AP1G1: variants seen among roughly 807,000 people sequenced by gnomAD.
AP1G1 encodes the protein adaptor related protein complex 1 subunit gamma 1.
A neutral mutation model predicts 108.3 loss-of-function variants in AP1G1; 7 were observed. The observed-to-expected ratio is 0.06, with a 90% CI of 0.04 to 0.12. The LOEUF is 0.12. Ranked by LOEUF, AP1G1 falls within the 10% of genes least tolerant of loss-of-function variation. The pLI, the probability that AP1G1 is intolerant of heterozygous loss-of-function variation, is 1.00. For synonymous variants in AP1G1, 379 were observed against 353.5 expected (o/e 1.07, Z -0.81); for missense variants, 756 against 1,010.7 (o/e 0.75, Z 3.42).
intron 1 of AP1G1, among the ~76,000 whole-genome samples, chr16:71,798,330 C>A (rs955307673): frequency 3.3e-5 from 5 of 152,118 alleles, no homozygotes; most frequent in African/African-American, 9.7e-5. Context: ...TACCGAGTAG[C>A]CAGGACTATA....
chr16:71,798,605 G>T (rs564100172), intron 1 of AP1G1, among the ~76,000 whole-genome samples: 1 of 151,182 alleles, frequency 6.6e-6, no homozygotes, highest in Non-Finnish European at 1.5e-5. Flanking sequence ...AAATGAGGCC[G>T]GGCGTGGTGC....
At chr16:71,808,728 AG>A in intron 1 of AP1G1, 34 bp downstream of exon 1, 1 of 1,287,038 alleles carries the variant, frequency 7.8e-7, no homozygotes, top group Non-Finnish European at 1.0e-6. Context: ...GGGCAAAAGC[AG>A]CAATATGCTC....
chr16:71,781,235 A>G (rs1024222650), intron 2 of AP1G1, among the ~76,000 whole-genome samples: 17 of 152,244 alleles, frequency 1.1e-4, no homozygotes, highest in African/African-American at 3.1e-4. Flanking sequence ...GCCTGACAAC[A>G]TAAAATCTAT....
chr16:71,794,864 T>TTTTTTTTTTTTTTTA (rs71153663), intron 1 of AP1G1, among the ~76,000 whole-genome samples: 1 of 121,334 alleles, frequency 8.2e-6, no homozygotes. Flanking sequence ...TTTTTTTTTT[T>TTTTTTTTTTTTTTTA]ACTTTGAAAT....
At chr16:71,808,736 G>C in intron 1 of AP1G1, 27 bp downstream of exon 1, 1 of 1,288,616 alleles carries the variant, frequency 7.8e-7, no homozygotes, top group Non-Finnish European at 1.0e-6. Context: ...GCAGCAATAT[G>C]CTCTCAGCGC....
Position 71,749,899 on chromosome 16 carries a change from T to C in AP1G1, c.1492A>G (p.Ile498Val), listed in dbSNP as rs369969308. 21 of 1,603,252 alleles carry C rather than the reference T, an allele frequency of 1.3e-5. No individual in the cohort carries two copies. The African/African-American group carries it at 2.3e-4, about 17-fold the overall frequency. ...CCAAGAGTGACAAGGAGTACCTGAA[T>C]AGGCTCTTCCTCTTCACACTGGCCA... ...VSGQCEEEEP[I>V]QVTEDEVLDI... is the part of the protein sequence containing the mutation. Residue 498 changes from isoleucine (I) to valine (V), a missense_variant, in exon 15 of 23, where the codon ATT (isoleucine) becomes GTT (valine). Transcript: ENST00000299980.
chr16:71,734,567 T>C (rs770706985), intron 22 of AP1G1, 42 bp downstream of exon 22: 2 of 1,470,200 alleles, frequency 1.4e-6, no homozygotes. Flanking sequence ...GGAAATATGC[T>C]TACACTTCGG....
chr16:71,734,639 T>C lies in AP1G1; in HGVS notation c.2337A>G (p.Thr779=), dbSNP rs760924711. ...GAGGGTTCAGAACTTTAATGACTTG[T>C]GTGATGGTCCCCGTGTTAAATGCTG... ...IVPAFNTGTI[T]QVIKVLNPQK... Residue 779 remains threonine (T), a synonymous_variant, in exon 22 of 23, where the codon ACA becomes ACG. Coordinates refer to ENST00000299980, the MANE Select transcript of AP1G1 (RefSeq NM_001128.6). The C allele has an allele frequency of 1.2e-6, 2 of 1,614,038 alleles. No homozygotes were observed. The highest frequency in any genetic ancestry group is 1.7e-6 in the Non-Finnish European group (2 of 1,179,910).
chr16:71,749,538 G>T (rs2030372829), intron 15 of AP1G1, among the ~76,000 whole-genome samples: 1 of 151,370 alleles, frequency 6.6e-6, no homozygotes, highest in Admixed American at 6.6e-5. Context: ...CTCAAAAAAT[G>T]GCAGGTTTTC....
chr16:71,802,633 G>C (rs1483726845), intron 1 of AP1G1, among the ~76,000 whole-genome samples: 1 of 151,966 alleles, frequency 6.6e-6, no homozygotes, highest in Non-Finnish European at 1.5e-5. Flanking sequence ...GGGAGGCTGA[G>C]GCAGAAGAAT....
At position 71,789,320 on chromosome 16, in the gene AP1G1, G is replaced by A; in HGVS notation, c.160C>T (p.Leu54=). Residue 54 remains leucine, a synonymous_variant, in exon 2 of 23, where the codon CTG becomes TTG. Coordinates refer to ENST00000299980, the MANE Select transcript of AP1G1 (RefSeq NM_001128.6). ...TYRCRNVAKL[L]YMHMLGYPAH... ...GGGTAGCCCAGCATGTGCATATACA[G>A]TAATTTTGCCACATTCCGACATCGG... The A allele has an allele frequency of 6.2e-7, 1 of 1,614,168 alleles. No individual in the cohort carries two copies.
intron 16 of AP1G1, chr16:71,747,019 A>G (rs1567643266): frequency 5.9e-6 from 1 of 168,414 alleles, no homozygotes; most frequent in African/African-American, 2.4e-5. Flanking sequence ...CTTTGCCACA[A>G]AAGAAATTTG....
At position 71,730,339 on chromosome 16, in the gene AP1G1, G is replaced by GA. The variant is rs1036820914; in HGVS notation, c.*2718dup. On this transcript the variant is annotated 3_prime_UTR_variant, in exon 23 of 23. Transcript: ENST00000299980. ...AGAAACTAGAATAGAAACGACTCTT[G>GA]AAGAGGGAAATAATGAAGTACAAGT... 1 of 152,302 alleles carries GA rather than the reference G, an allele frequency of 6.6e-6. No individual in the cohort carries two copies. Among genetic ancestry groups the GA allele is most frequent in the Non-Finnish European group, 1.5e-5 (1 of 68,028 alleles). 9.4% of individuals were successfully genotyped at this position (152,302 alleles called of 1,614,324 possible). A position where few individuals can be genotyped will look rare whatever the true frequency, so the allele number is the denominator to read the frequency against.
At chr16:71,763,069 T>C (rs560976711) in intron 9 of AP1G1, among the ~76,000 whole-genome samples, 1 of 152,272 alleles carries the variant, frequency 6.6e-6, no homozygotes, top group East Asian at 1.9e-4. Flanking sequence ...CCAACACATA[T>C]GGCGTCAGAA....
At chr16:71,801,328 C>A in intron 1 of AP1G1, among the ~76,000 whole-genome samples, 3 of 109,686 alleles carry the variant, frequency 2.7e-5, no homozygotes, top group Admixed American at 1.0e-4. Context: ...CTGACCATGA[C>A]ATGTTAAAAA....
Position 71,745,558 on chromosome 16 carries a change from G to C in AP1G1, c.1787C>G (p.Thr596Ser), listed in dbSNP as rs754436607. Residue 596 changes from threonine (T) to serine (S), a missense_variant, in exon 18 of 23, where the codon ACT (threonine) becomes AGT (serine). Thr to Ser is a moderately conservative substitution (Grantham distance 58). Coordinates refer to ENST00000299980, the MANE Select transcript of AP1G1 (RefSeq NM_001128.6). ...CTCTCCATTTGTCTGCACAATCTCA[G>C]TAGGGCCATTTGTGGTCACTTTTTC... ...VMEKVTTNGP[T>S]EIVQTNGETE... 4.3e-6 allele frequency: 7 copies of C among 1,614,066 alleles called. No homozygotes were observed. The highest frequency in any genetic ancestry group is 1.7e-5 in the Admixed American group (1 of 60,002).
rs556975410 is a variant in AP1G1 at position 71,786,301 on chromosome 16, GTCTTAAATCTAC to G, written c.201+2966_201+2977del. Among the ~76,000 whole-genome samples, 259 of 152,114 alleles carry G rather than the reference GTCTTAAATCTAC, an allele frequency of 1.7e-3. 2 individuals carry two copies. Among genetic ancestry groups the G allele is most frequent in the African/African-American group, 6.0e-3 (250 of 41,510 alleles). ...TTTACAAAATGAAATATCCCCCAAAGTCTTAAATCTACTCTGATTCCAAATTCAAGAATTTGC... is the reference window on the plus strand; with the variant it reads ...TTTACAAAATGAAATATCCCCCAAAGTCTGATTCCAAATTCAAGAATTTGC... On this transcript the variant is annotated intron_variant, in intron 2 of 22. Transcript: ENST00000299980.
At chr16:71,790,217 G>A (rs147870789) in intron 1 of AP1G1, among the ~76,000 whole-genome samples, 42 of 152,224 alleles carry the variant, frequency 2.8e-4, no homozygotes, top group Admixed American at 1.6e-3. Flanking sequence ...ATAGTAATCA[G>A]GGAAATGTGG....
chr16:71,756,320 G>T, intron 11 of AP1G1, 161 bp from the exon 12 acceptor site: 1 of 525,966 alleles, frequency 1.9e-6, no homozygotes, highest in Non-Finnish European at 3.2e-6. Flanking sequence ...CCAAGGAGAT[G>T]TATTCTTACA....
Sources: gnomAD v4.1 joint callset for allele counts (sites outside exome capture counted in the v4.1 genomes callset) on GRCh38, gnomAD v4.1.1 for gene constraint, MANE v1.5 for transcripts, NCBI Gene and HGNC (gene_info 2026-07-23, HGNC 2026-07-21) for gene names.